Variants in PTPRD observed in about 807,000 individuals in gnomAD.
PTPRD encodes the protein protein tyrosine phosphatase receptor type D.
A neutral mutation model predicts 214.5 loss-of-function variants in PTPRD; 34 were observed. That is an observed-to-expected ratio of 0.16 (90% CI 0.12 to 0.21). The LOEUF is 0.21. PTPRD is among the 10% of genes least tolerant of loss of function. PTPRD has a pLI of 1.00. For missense variants in PTPRD, 2,545 were observed against 2,398.7 expected (o/e 1.06, Z -1.27); for synonymous variants, 1,128 against 845.7 (o/e 1.33, Z -5.79).
At chr9:9,520,366 T>C (rs1308869869) in intron 8 of PTPRD, among the ~76,000 whole-genome samples, 1 of 150,778 alleles carries the variant, frequency 6.6e-6, no homozygotes, top group Non-Finnish European at 1.5e-5. Flanking sequence ...GCATGAATAC[T>C]ATGACAGAAT....
chr9:9,648,385 C>G (rs1355753669), intron 7 of PTPRD, among the ~76,000 whole-genome samples: 1 of 152,098 alleles, frequency 6.6e-6, no homozygotes, highest in Admixed American at 6.5e-5. Context: ...CCTACCAAAA[C>G]AAGGTTTATT....
chr9:10,131,949 G>C (rs1054136600), intron 3 of PTPRD, among the ~76,000 whole-genome samples: 1 of 152,056 alleles, frequency 6.6e-6, no homozygotes, highest in African/African-American at 2.4e-5. Context: ...TAGAGGTGAT[G>C]AGGAAAAAGG....
At chr9:9,897,799 T>C (rs1200667213) in intron 5 of PTPRD, among the ~76,000 whole-genome samples, 1 of 152,138 alleles carries the variant, frequency 6.6e-6, no homozygotes, top group Non-Finnish European at 1.5e-5. Context: ...GTAGACAATG[T>C]ACACTTAACT....
chr9:10,601,978 C>A (rs1018557), intron 2 of PTPRD, among the ~76,000 whole-genome samples: 144,124 of 151,820 alleles, frequency 0.95, 68,902 homozygotes, highest in East Asian at 1. Flanking sequence ...CTGTTCACTA[C>A]GTGTTTACAT....
At chr9:8,604,845 G>A (rs2095108769) in intron 14 of PTPRD, among the ~76,000 whole-genome samples, 3 of 152,078 alleles carry the variant, frequency 2.0e-5, no homozygotes, top group Admixed American at 2.0e-4. Flanking sequence ...ATAGAAAATG[G>A]GAGAGAAAAT....
At chr9:9,929,024 T>C (rs553978023) in intron 5 of PTPRD, among the ~76,000 whole-genome samples, 1 of 152,178 alleles carries the variant, frequency 6.6e-6, no homozygotes. Context: ...AAGAGACTTA[T>C]ATGCTCTGGT....
chr9:8,674,978 A>G (rs780768468), intron 12 of PTPRD, among the ~76,000 whole-genome samples: 62 of 152,350 alleles, frequency 4.1e-4, no homozygotes, highest in Non-Finnish European at 6.9e-4. Flanking sequence ...AGCCTTGTAA[A>G]TTACAAAAGA....
At chr9:10,220,468 A>G (rs1411305678) in intron 3 of PTPRD, among the ~76,000 whole-genome samples, 1 of 151,940 alleles carries the variant, frequency 6.6e-6, no homozygotes, top group Non-Finnish European at 1.5e-5. Context: ...TCTAGAGTCC[A>G]GTTCTTTTCC....
chr9:8,688,304 C>T (rs550203950), intron 12 of PTPRD, among the ~76,000 whole-genome samples: 10 of 152,110 alleles, frequency 6.6e-5, no homozygotes, highest in East Asian at 3.9e-4. Context: ...TGGTGGCTGA[C>T]GCCTGTAATC....
intron 10 of PTPRD, among the ~76,000 whole-genome samples, chr9:9,138,902 T>C (rs943900540): frequency 2.0e-5 from 3 of 152,200 alleles, no homozygotes; most frequent in African/African-American, 7.2e-5. Context: ...ATTAATGTTA[T>C]ATTTGGTTAT....
chr9:8,819,947 C>T (rs2097015361), intron 11 of PTPRD, among the ~76,000 whole-genome samples: 1 of 152,060 alleles, frequency 6.6e-6, no homozygotes, highest in Non-Finnish European at 1.5e-5. Context: ...AGTATGACAT[C>T]CCCTGACAAT....
chr9:8,440,307 T>C (rs185387334), intron 34 of PTPRD, among the ~76,000 whole-genome samples: 12 of 139,380 alleles, frequency 8.6e-5, no homozygotes, highest in East Asian at 4.5e-4. Context: ...AAATGTACAA[T>C]AGAAATGTAT....
intron 10 of PTPRD, among the ~76,000 whole-genome samples, chr9:9,066,894 A>T (rs1023336365): frequency 6.6e-6 from 1 of 152,170 alleles, no homozygotes; most frequent in Non-Finnish European, 1.5e-5. Context: ...GAACTGTGAG[A>T]GAATAAATTT....
intron 8 of PTPRD, among the ~76,000 whole-genome samples, chr9:9,521,851 C>T (rs1032173350): frequency 6.6e-6 from 1 of 151,944 alleles, no homozygotes; most frequent in Non-Finnish European, 1.5e-5. Context: ...CTTATAAATA[C>T]TACAGAAAAA....
chr9:10,559,363 A>G (rs944841340), intron 2 of PTPRD, among the ~76,000 whole-genome samples: 6 of 152,158 alleles, frequency 3.9e-5, no homozygotes, highest in Non-Finnish European at 8.8e-5. Flanking sequence ...AAATTTAACT[A>G]AAATTAAAAT....
intron 3 of PTPRD, among the ~76,000 whole-genome samples, chr9:10,151,059 C>CTTTTT (rs138485125): frequency 6.3e-5 from 7 of 111,108 alleles, no homozygotes; most frequent in South Asian, 3.0e-4. Flanking sequence ...TTTTTGTTAA[C>CTTTTT]TTTTTTTTTT....
At chr9:9,375,760 G>C (rs762638943) in intron 9 of PTPRD, among the ~76,000 whole-genome samples, 4 of 152,240 alleles carry the variant, frequency 2.6e-5, no homozygotes, top group Middle Eastern at 6.8e-3. Flanking sequence ...AATTCATAGA[G>C]ACATAAAGTA....
intron 2 of PTPRD, among the ~76,000 whole-genome samples, chr9:10,610,904 A>C (rs1040912143): frequency 6.6e-6 from 1 of 152,156 alleles, no homozygotes; most frequent in East Asian, 1.9e-4. Context: ...ATTGTAACTT[A>C]GCTTACTCTT....
At chr9:9,991,030 G>T (rs557109768) in intron 4 of PTPRD, among the ~76,000 whole-genome samples, 1 of 151,498 alleles carries the variant, frequency 6.6e-6, no homozygotes, top group Admixed American at 6.6e-5. Flanking sequence ...TGCCTCCCAG[G>T]TTCAAGCAAT....
Sources: allele counts gnomAD v4.1 joint callset (sites outside exome capture counted in the v4.1 genomes callset), GRCh38; gene constraint gnomAD v4.1.1; transcripts MANE v1.5; gene names NCBI Gene and HGNC (gene_info 2026-07-23, HGNC 2026-07-21).